The following FAM91A1 variants were observed in gnomAD, a reference collection of about 807,000 sequenced individuals.
The protein encoded by FAM91A1 is protein FAM91A1.
In FAM91A1, 41 loss-of-function variants were observed where a neutral mutation model predicts 113.5. The ratio of observed to expected loss-of-function variants is 0.36; its 90% CI spans 0.28 to 0.47. The LOEUF (loss-of-function observed/expected upper bound fraction) is 0.47, where lower values mean the gene tolerates loss of function less well. FAM91A1 is among the 20% of genes least tolerant of loss of function. The pLI, the probability that FAM91A1 is intolerant of heterozygous loss-of-function variation, is 1.00. For synonymous variants in FAM91A1, 307 were observed against 347.9 expected (o/e 0.88, Z 1.31); for missense variants, 696 against 1,001.2 (o/e 0.70, Z 4.11).
intron 20 of FAM91A1, among the ~76,000 whole-genome samples, chr8:123,807,630 C>T (rs1483595649): frequency 6.6e-6 from 1 of 151,966 alleles, no homozygotes; most frequent in East Asian, 1.9e-4. Context: ...ACAGAGAAGG[C>T]CTCTTAGAGA....
rs1340258260 is a variant in FAM91A1 at position 123,799,764 on chromosome 8, T to C, written c.1696-8T>C. 2.5e-6 allele frequency: 4 copies of C among 1,605,590 alleles called. No homozygotes were observed. Among genetic ancestry groups the C allele is most frequent in the Non-Finnish European group, 3.4e-6 (4 of 1,176,046 alleles). On this transcript the variant is annotated splice_region_variant and splice_polypyrimidine_tract_variant and intron_variant, in intron 17 of 23. Coordinates refer to ENST00000334705, the MANE Select transcript of FAM91A1 (RefSeq NM_144963.4). Reference sequence around the variant, plus strand: ...ATGCCATTTTACCTGTTAATTTCTTTTCAATAGAGTTATGATCGATTGCTA... The same window carrying C: ...ATGCCATTTTACCTGTTAATTTCTTCTCAATAGAGTTATGATCGATTGCTA...
rs1277643330 is a variant in FAM91A1 at position 123,813,198 on chromosome 8, A to T, written c.*494A>T. 6.5e-6 allele frequency: 1 copy of T among 152,718 alleles called. No homozygotes were observed. Among genetic ancestry groups the T allele is most frequent in the Non-Finnish European group, 1.5e-5 (1 of 68,092 alleles). 9.5% of individuals were successfully genotyped at this position (152,718 alleles called of 1,614,324 possible). On this transcript the variant is annotated 3_prime_UTR_variant, in exon 24 of 24. Coordinates refer to ENST00000334705, the MANE Select transcript of FAM91A1 (RefSeq NM_144963.4). ...ACATCCAGTATTGAGAGATGATATG[A>T]TAGGGCATTATGAATTCCTATGGGT...
intron 20 of FAM91A1, among the ~76,000 whole-genome samples, chr8:123,807,480 C>CAAAAAAAAAAAAAAAAAA (rs546080328): frequency 1.4e-4 from 8 of 58,880 alleles, no homozygotes; most frequent in Non-Finnish European, 1.7e-4. Flanking sequence ...CCTGTCTCTA[C>CAAAAAAAAAAAAAAAAAA]AAAAAAAAAA....
chr8:123,781,474 AT>A (rs35842167), intron 8 of FAM91A1, among the ~76,000 whole-genome samples: 30,365 of 121,160 alleles, frequency 0.25, 3,017 homozygotes, highest in African/African-American at 0.44. Context: ...GCATATGTGA[AT>A]TTTTTTTTTT....
At chr8:123,770,246 C>T (rs1814808794) in intron 1 of FAM91A1, among the ~76,000 whole-genome samples, 1 of 152,194 alleles carries the variant, frequency 6.6e-6, no homozygotes, top group Non-Finnish European at 1.5e-5. Flanking sequence ...CCACAGTGCC[C>T]AGCCAGTATG....
At chr8:123,780,230 T>C in intron 7 of FAM91A1, 155 bp downstream of exon 7, 2 of 764,310 alleles carry the variant, frequency 2.6e-6, no homozygotes, top group South Asian at 2.1e-5. Context: ...TGTTTTCCAG[T>C]GTGGCTATAA....
At chr8:123,783,307 A>G (rs75863268) in intron 8 of FAM91A1, among the ~76,000 whole-genome samples, 52 of 152,318 alleles carry the variant, frequency 3.4e-4, no homozygotes, top group African/African-American at 1.1e-3. Context: ...CTTAGTAAGC[A>G]TTCAATAAAT....
In FAM91A1 at chr8:123,806,177, T is replaced by C; in HGVS notation, c.1980T>C (p.Asn660=). 1 of 1,613,630 alleles carries C rather than the reference T, an allele frequency of 6.2e-7. No homozygotes were observed. Among genetic ancestry groups the C allele is most frequent in the South Asian group, 1.1e-5 (1 of 91,044 alleles). Residue 660 remains asparagine (N), a synonymous_variant, in exon 20 of 24, where the codon AAT becomes AAC. Transcript: ENST00000334705. The part of the protein sequence containing the change: ...QHLCGYVTML[N]ASSQLADRKL... The stretch of plus-strand genomic sequence containing the variant: ...TCTGTGGATATGTCACCATGTTGAA[T>C]GCTTCCAGCCAACTTGCAGATAGAA...
intron 15 of FAM91A1, 117 bp from the exon 16 acceptor site, chr8:123,797,973 A>C: frequency 8.3e-7 from 1 of 1,203,278 alleles, no homozygotes; most frequent in Non-Finnish European, 1.2e-6. Context: ...TAATAGAGTT[A>C]CTTTACCTTA....
At chr8:123,775,070 G>T in intron 2 of FAM91A1, 77 bp from the exon 3 acceptor site, 31 of 1,336,262 alleles carry the variant, frequency 2.3e-5, no homozygotes, top group South Asian at 1.6e-4. Flanking sequence ...ATTACTGTTG[G>T]TTTGTAAAGT....
At chr8:123,805,476 G>C in intron 19 of FAM91A1, 137 bp downstream of exon 19, 2 of 691,214 alleles carry the variant, frequency 2.9e-6, no homozygotes, top group Non-Finnish European at 4.7e-6. Flanking sequence ...AAGAGTGTTG[G>C]CAAAAGGTAG....
chr8:123,801,273 G>T (rs1170127183), intron 18 of FAM91A1, among the ~76,000 whole-genome samples: 1 of 152,146 alleles, frequency 6.6e-6, no homozygotes, highest in Non-Finnish European at 1.5e-5. Flanking sequence ...TGCTTATTGG[G>T]CTGTGTGACA....
At chr8:123,803,566 G>T (rs1563648065) in intron 18 of FAM91A1, among the ~76,000 whole-genome samples, 1 of 152,166 alleles carries the variant, frequency 6.6e-6, no homozygotes, top group African/African-American at 2.4e-5. Context: ...ACCTCCAAAA[G>T]TGCTGGGATT....
At chr8:123,769,755 A>G (rs945754949) in intron 1 of FAM91A1, among the ~76,000 whole-genome samples, 4 of 152,154 alleles carry the variant, frequency 2.6e-5, no homozygotes, top group African/African-American at 9.7e-5. Context: ...AACATAGCAG[A>G]TGGTTTTAAG....
chr8:123,775,398 G>A, intron 3 of FAM91A1, 100 bp downstream of exon 3: 1 of 1,395,344 alleles, frequency 7.2e-7, no homozygotes, highest in African/African-American at 1.4e-5. Flanking sequence ...CGTCTGCGGT[G>A]GACACTCTTT....
rs533040839 is a variant in FAM91A1 at position 123,808,907 on chromosome 8, G to A, written c.2152G>A (p.Ala718Thr). The change falls in exon 22 of 24, where the codon GCA becomes ACA. Residue 718 changes from alanine (A) to threonine (T), a missense_variant. Transcript: ENST00000334705. ...TKQTSGATTE[A>T]DWVPLELCFG... Reference sequence around the variant, plus strand: ...TCCTTTCTTAGGTGCCACAACAGAAGCAGATTGGGTTCCTCTCGAGCTGTG... The same window carrying A: ...TCCTTTCTTAGGTGCCACAACAGAAACAGATTGGGTTCCTCTCGAGCTGTG... The A allele has an allele frequency of 1.9e-6, 3 of 1,610,424 alleles. No individual in the cohort carries two copies. Among genetic ancestry groups the A allele is most frequent in the East Asian group, 2.2e-5 (1 of 44,830 alleles).
intron 13 of FAM91A1, 42 bp from the exon 14 acceptor site, chr8:123,787,622 A>G (rs1260277544): frequency 3.4e-6 from 5 of 1,484,844 alleles, no homozygotes; most frequent in Non-Finnish European, 4.6e-6. Flanking sequence ...TTAGCATAAA[A>G]AGGGAGAAGT....
chr8:123,775,379 T>G, intron 3 of FAM91A1, 81 bp downstream of exon 3: 42 of 1,515,898 alleles, frequency 2.8e-5, no homozygotes, highest in Non-Finnish European at 3.7e-5. Flanking sequence ...TCACCAGCTC[T>G]TCAGCTGTCG....
chr8:123,773,523 T>G (rs1036532713), intron 1 of FAM91A1, among the ~76,000 whole-genome samples: 8 of 152,242 alleles, frequency 5.3e-5, no homozygotes, highest in African/African-American at 1.4e-4. Context: ...CTCCGAATTC[T>G]AAAATTGTCT....
Sources: allele counts gnomAD v4.1 joint callset (sites outside exome capture counted in the v4.1 genomes callset), GRCh38; gene constraint gnomAD v4.1.1; transcripts MANE v1.5; gene names NCBI Gene and HGNC (gene_info 2026-07-23, HGNC 2026-07-21).